Variants in SLC30A9 observed in about 807,000 individuals in gnomAD.
SLC30A9 encodes proton-coupled zinc antiporter SLC30A9, mitochondrial.
In SLC30A9, 58 loss-of-function variants were observed where a neutral mutation model predicts 87.5. The ratio of observed to expected loss-of-function variants is 0.66; its 90% confidence interval spans 0.54 to 0.82. The LOEUF (loss-of-function observed/expected upper bound fraction) is 0.82, where lower values mean the gene tolerates loss of function less well. SLC30A9 is among the 40% of genes least tolerant of loss of function. SLC30A9 has a pLI of 0.00. For missense variants in SLC30A9, 557 were observed against 679.1 expected (o/e 0.82, Z 2.00); for synonymous variants, 234 against 233.0 (o/e 1.00, Z -0.04).
chr4:41,993,514 A>G lies in SLC30A9; in HGVS notation c.109+2754A>G, dbSNP rs188123730. Among the ~76,000 whole-genome samples the G allele has an allele frequency of 2.3e-3, 347 of 152,328 alleles. 1 individual carries two copies. Among genetic ancestry groups the G allele is most frequent in the African/African-American group, 7.9e-3 (330 of 41,584 alleles). On this transcript the variant is annotated intron_variant, in intron 1 of 17. Coordinates refer to ENST00000264451, the MANE Select transcript of SLC30A9 (RefSeq NM_006345.4). ...TTGTTCAAGTGGCCAATAAAAATGC[A>G]AAAATGTTCCATACTGAAAAACAGA...
At chr4:42,078,014 C>G (rs1220442311) in intron 16 of SLC30A9, among the ~76,000 whole-genome samples, 198 bp from the exon 17 acceptor site, 1 of 151,978 alleles carries the variant, frequency 6.6e-6, no homozygotes, top group African/African-American at 2.4e-5. Context: ...GTAGTGCTAC[C>G]TCTGTGTAGT....
At chr4:42,025,932 C>T (rs560885068) in intron 6 of SLC30A9, among the ~76,000 whole-genome samples, 23 of 152,104 alleles carry the variant, frequency 1.5e-4, no homozygotes, top group African/African-American at 4.8e-4. Context: ...GGATTACAGG[C>T]GTGAGCCACC....
At chr4:42,073,180 G>T (rs1045502676) in intron 15 of SLC30A9, among the ~76,000 whole-genome samples, 1 of 152,122 alleles carries the variant, frequency 6.6e-6, no homozygotes, top group African/African-American at 2.4e-5. Context: ...ATCCGTTACT[G>T]AAAGTATCGA....
chr4:42,025,814 C>T lies in SLC30A9; in HGVS notation c.610+2430C>T, dbSNP rs1036781565. Reference sequence around the variant, plus strand: ...CCAAGTAGCTAGGACTACAGGCACCCGCCACCGCGCCCAACTAATTTTTTG... The same window carrying T: ...CCAAGTAGCTAGGACTACAGGCACCTGCCACCGCGCCCAACTAATTTTTTG... On this transcript the variant is annotated intron_variant, in intron 6 of 17. Transcript: ENST00000264451. Among the ~76,000 whole-genome samples the T allele has an allele frequency of 2.0e-4, 30 of 151,968 alleles. 1 individual carries two copies. The highest frequency in any genetic ancestry group is 1.2e-3 in the Admixed American group (19 of 15,258).
intron 17 of SLC30A9, among the ~76,000 whole-genome samples, chr4:42,080,324 T>G (rs1718705135): frequency 6.6e-6 from 1 of 152,214 alleles, no homozygotes; most frequent in Non-Finnish European, 1.5e-5. Context: ...ACTCACCGAA[T>G]CATGTTATAC....
At chr4:42,072,250 T>G (rs1370124275) in intron 15 of SLC30A9, among the ~76,000 whole-genome samples, 1 of 152,126 alleles carries the variant, frequency 6.6e-6, no homozygotes, top group Non-Finnish European at 1.5e-5. Context: ...TCTGTTGTTT[T>G]TCTATTTTCT....
intron 2 of SLC30A9, among the ~76,000 whole-genome samples, chr4:42,003,010 A>G (rs1033348415): frequency 2.0e-5 from 3 of 152,168 alleles, no homozygotes; most frequent in African/African-American, 7.2e-5. Flanking sequence ...CATTTAAGCC[A>G]TGATAACACA....
chr4:41,995,485 A>G (rs1714658326), intron 1 of SLC30A9, among the ~76,000 whole-genome samples: 1 of 152,162 alleles, frequency 6.6e-6, no homozygotes, highest in Admixed American at 6.5e-5. Context: ...TTCCACCAGA[A>G]ATAAATATAT....
chr4:42,051,245 C>T (rs1220231435), intron 9 of SLC30A9, among the ~76,000 whole-genome samples: 1 of 152,158 alleles, frequency 6.6e-6, no homozygotes, highest in Non-Finnish European at 1.5e-5. Flanking sequence ...ACAAATCTTC[C>T]TAAAAGTTCT....
In SLC30A9 at chr4:42,023,937, A is replaced by G. The variant is rs113972165; in HGVS notation, c.610+553A>G. On this transcript the variant is annotated intron_variant, in intron 6 of 17. Transcript: ENST00000264451. ...AACCATCAGATCTCGAGAACTCAGT[A>G]TCATGAGAACAGTATGGGGGAGACC... Among the ~76,000 whole-genome samples, 344 of 152,280 alleles carry G rather than the reference A, an allele frequency of 2.3e-3. 1 individual carries two copies. Among genetic ancestry groups the G allele is most frequent in the Middle Eastern group, 0.02 (6 of 294 alleles).
intron 9 of SLC30A9, among the ~76,000 whole-genome samples, chr4:42,053,385 C>G (rs374326827): frequency 7.2e-5 from 11 of 151,910 alleles, no homozygotes; most frequent in Admixed American, 5.9e-4. Flanking sequence ...ATGAATGGTC[C>G]CAAAAGATTT....
chr4:42,000,316 C>G (rs1463384195), intron 1 of SLC30A9, among the ~76,000 whole-genome samples: 1 of 152,000 alleles, frequency 6.6e-6, no homozygotes, highest in Admixed American at 6.5e-5. Context: ...GTCAGAACAC[C>G]AGTGGCCAGG....
intron 3 of SLC30A9, chr4:42,018,518 C>T (rs1715812536): frequency 1.6e-5 from 14 of 888,148 alleles, no homozygotes; most frequent in South Asian, 1.4e-4. Flanking sequence ...AGAGTTTGGC[C>T]GTTATTGTCT....
intron 2 of SLC30A9, among the ~76,000 whole-genome samples, chr4:42,008,515 T>C (rs1311878597): frequency 1.3e-5 from 2 of 152,186 alleles, no homozygotes; most frequent in Non-Finnish European, 2.9e-5. Flanking sequence ...TAGGAGTTTT[T>C]ACCTATACAT....
At chr4:42,021,187 A>G (rs1715932787) in intron 4 of SLC30A9, among the ~76,000 whole-genome samples, 2 of 152,192 alleles carry the variant, frequency 1.3e-5, no homozygotes, top group Admixed American at 1.3e-4. Flanking sequence ...TCAACAACCA[A>G]TTATAATATT....
chr4:42,045,906 G>C (rs1717131271), intron 8 of SLC30A9, among the ~76,000 whole-genome samples: 1 of 152,174 alleles, frequency 6.6e-6, no homozygotes, highest in East Asian at 1.9e-4. Context: ...GGGATGCAAG[G>C]CTGGTTCAAC....
chr4:42,086,220 A>T lies in SLC30A9; in HGVS notation c.*94A>T. ...CCTCCTCTCCTACACTGAAAGACTC[A>T]GTGCCATGCAGAAGCCTTTTTTTTA... On this transcript the variant is annotated 3_prime_UTR_variant, in exon 18 of 18. Coordinates refer to ENST00000264451, the MANE Select transcript of SLC30A9 (RefSeq NM_006345.4). 1.5e-6 allele frequency: 1 copy of T among 664,708 alleles called. No individual in the cohort carries two copies. Among genetic ancestry groups the T allele is most frequent in the Admixed American group, 2.8e-5 (1 of 35,844 alleles). The allele number at this position is 664,708 out of a possible 1,614,324, so 41.2% of individuals were successfully genotyped here. A position where few individuals can be genotyped will look rare whatever the true frequency, so the allele number is the denominator to read the frequency against.
intron 8 of SLC30A9, among the ~76,000 whole-genome samples, chr4:42,040,331 T>C (rs1279543675): frequency 6.6e-6 from 1 of 152,230 alleles, no homozygotes; most frequent in African/African-American, 2.4e-5. Context: ...CTTAACATAG[T>C]ACCTGCTCTA....
At chr4:42,050,532 G>C (rs978077593) in intron 9 of SLC30A9, among the ~76,000 whole-genome samples, 6 of 152,190 alleles carry the variant, frequency 3.9e-5, no homozygotes, top group Admixed American at 6.6e-5. Context: ...CAGTGTTTAA[G>C]TGTTCATTCT....
Sources: allele counts gnomAD v4.1 joint callset (sites outside exome capture counted in the v4.1 genomes callset), GRCh38; gene constraint gnomAD v4.1.1; transcripts MANE v1.5; gene names NCBI Gene and HGNC (gene_info 2026-07-23, HGNC 2026-07-21).